The following PTPN21 variants were observed in gnomAD, a reference collection of about 807,000 sequenced individuals.
PTPN21 encodes the protein tyrosine-protein phosphatase non-receptor type 21.
In PTPN21, 77 loss-of-function variants were observed where a neutral mutation model predicts 131.8. The ratio of observed to expected loss-of-function variants is 0.58; its 90% CI spans 0.49 to 0.71. PTPN21 has a LOEUF of 0.71. PTPN21 is among the 30% of genes least tolerant of loss of function. The pLI is 0.00. For missense variants in PTPN21, 1,552 were observed against 1,527.1 expected (o/e 1.02, Z -0.27); for synonymous variants, 715 against 621.3 (o/e 1.15, Z -2.24).
chr14:88,472,191 G>A (rs2077481622), intron 15 of PTPN21, 53 bp downstream of exon 15: 2 of 986,832 alleles, frequency 2.0e-6, no homozygotes, highest in Middle Eastern at 2.1e-4. Context: ...TACCATTCTT[G>A]TAACTTAACT....
rs192613016 is a variant in PTPN21 at position 88,492,409 on chromosome 14, C to T, written c.932+4004G>A. On this transcript the variant is annotated intron_variant, in intron 10 of 18. Coordinates refer to ENST00000556564, the MANE Select transcript of PTPN21 (RefSeq NM_007039.4). ...GAACACTTTCATATGCAAATACACC[C>T]AGGCCCCTAGCAGAAACCGCTTCCC... is the stretch of plus-strand genomic sequence containing the variant. Among the ~76,000 whole-genome samples the T allele has an allele frequency of 8.9e-4, 135 of 152,304 alleles. 2 individuals are homozygous for T. The highest frequency in any genetic ancestry group is 3.1e-3 in the African/African-American group (130 of 41,570).
intron 2 of PTPN21, among the ~76,000 whole-genome samples, chr14:88,544,018 T>C (rs917301590): frequency 9.9e-5 from 15 of 152,154 alleles, no homozygotes; most frequent in Admixed American, 6.5e-4. Context: ...GAGACTTCCA[T>C]GGTTTCACAA....
rs561075961 is a variant in PTPN21, at chr14:88,549,040, G to A, written c.180+1198C>T. 3.3e-4 allele frequency among the ~76,000 whole-genome samples: 51 copies of A among 152,338 alleles called. No individual in the cohort carries two copies. The East Asian group carries it at 9.3e-3, about 28-fold the overall frequency. On this transcript the variant is annotated intron_variant, in intron 2 of 18. Transcript: ENST00000556564. ...TTGCCCAAGGTAACAGAAGCAGATGGTGAGGAAACTAGAACTCAAACTGAG... is the reference window on the plus strand; with the variant it reads ...TTGCCCAAGGTAACAGAAGCAGATGATGAGGAAACTAGAACTCAAACTGAG...
Position 88,474,906 on chromosome 14 carries a change from A to G in PTPN21, c.2512-1104T>C, listed in dbSNP as rs150016984. Among the ~76,000 whole-genome samples the G allele has an allele frequency of 2.3e-3, 352 of 152,258 alleles. 3 individuals carry two copies. The highest frequency in any genetic ancestry group is 7.6e-3 in the African/African-American group (314 of 41,542). On this transcript the variant is annotated intron_variant, in intron 13 of 18. Transcript: ENST00000556564. ...CAGGAGATTGAGACCATCCTGGCCA[A>G]TATGGTGAAACCCCGTCTCTACTAA...
At chr14:88,516,995 G>T in intron 3 of PTPN21, 97 bp downstream of exon 3, 2 of 1,392,594 alleles carry the variant, frequency 1.4e-6, no homozygotes, top group South Asian at 1.4e-5. Flanking sequence ...GGGCGAGAGG[G>T]CAAAGTTTCA....
chr14:88,524,351 G>A (rs767918495), intron 2 of PTPN21, among the ~76,000 whole-genome samples: 8 of 152,080 alleles, frequency 5.3e-5, no homozygotes, highest in Non-Finnish European at 1.2e-4. Flanking sequence ...AAATAAGGGT[G>A]CCAAGACCAG....
intron 3 of PTPN21, among the ~76,000 whole-genome samples, chr14:88,511,656 A>G (rs1245806588): frequency 2.0e-5 from 3 of 152,198 alleles, no homozygotes; most frequent in Non-Finnish European, 2.9e-5. Flanking sequence ...CAACCAAGCA[A>G]CAAGAAGAAT....
rs777169798 is a variant in PTPN21 at position 88,469,050 on chromosome 14, G to C, written c.3262C>G (p.Arg1088Gly). The change falls in exon 18 of 19, where the codon CGA becomes GGA. Residue 1088 changes from arginine to glycine, a missense_variant. By Grantham distance (125) the Arg-to-Gly change is moderately radical. Coordinates refer to ENST00000556564, the MANE Select transcript of PTPN21 (RefSeq NM_007039.4). This position sits in a 1 kb window ranked among gnomAD's most constrained non-coding sequence, Gnocchi z 4.3. ...TCACTTGTGCTATTTGTATGGCGTC[G>C]AACAGACTGGATCTCTTCAAGATAT... Reference protein sequence around the residue: ...LSYLEEIQSVRRHTNSTSDPQ... With the variant: ...LSYLEEIQSVGRHTNSTSDPQ... 3.7e-6 allele frequency: 6 copies of C among 1,613,870 alleles called. No individual in the cohort carries two copies. The highest frequency in any genetic ancestry group is 5.1e-6 in the Non-Finnish European group (6 of 1,179,852).
intron 14 of PTPN21, 44 bp downstream of exon 14, chr14:88,473,621 G>C (rs748531559): frequency 1.3e-6 from 2 of 1,578,334 alleles, no homozygotes; most frequent in Admixed American, 4.1e-5. Flanking sequence ...GTATTTACCG[G>C]TTGTTCCAGA....
At chr14:88,492,643 G>A (rs1476850433) in intron 10 of PTPN21, among the ~76,000 whole-genome samples, 1 of 152,186 alleles carries the variant, frequency 6.6e-6, no homozygotes, top group Non-Finnish European at 1.5e-5. Context: ...CCTGCCCAGA[G>A]TTTCTCTCAC....
At chr14:88,478,770 T>C (rs1403619876) in intron 13 of PTPN21, 150 bp downstream of exon 13, 3 of 452,104 alleles carry the variant, frequency 6.6e-6, no homozygotes, top group Non-Finnish European at 1.1e-5. Context: ...TTTAAATGTG[T>C]TCAGAATTAG....
At position 88,525,434 on chromosome 14, in the gene PTPN21, G is replaced by A. The variant is rs150981333; in HGVS notation, c.181-8173C>T. ...TTACACACTTTTTGAAAAAAGATAT[G>A]AATGGCTAACAAGCACATGAAAAGA... On this transcript the variant is annotated intron_variant, in intron 2 of 18. Coordinates refer to ENST00000556564, the MANE Select transcript of PTPN21 (RefSeq NM_007039.4). Among the ~76,000 whole-genome samples the A allele has an allele frequency of 9.2e-5, 14 of 152,274 alleles. No homozygotes were observed. The East Asian group carries it at 2.1e-3, about 23-fold the overall frequency.
At position 88,466,951 on chromosome 14, in the gene PTPN21, T is replaced by G. The variant is rs1319681743; in HGVS notation, c.*1186A>C. 6.6e-6 allele frequency: 1 copy of G among 152,174 alleles called. No homozygotes were observed. The highest frequency in any genetic ancestry group is 1.5e-5 in the Non-Finnish European group (1 of 68,030). 9.4% of individuals were successfully genotyped at this position (152,174 alleles called of 1,614,324 possible). A position where few individuals can be genotyped will look rare whatever the true frequency, so the allele number is the denominator to read the frequency against. ...ATGATACTATAATGCTGAATTTATT[T>G]ATGAAAAAGAAACAATACAGGTTGA... On this transcript the variant is annotated 3_prime_UTR_variant, in exon 19 of 19. Coordinates refer to ENST00000556564, the MANE Select transcript of PTPN21 (RefSeq NM_007039.4).
chr14:88,493,540 G>A (rs966676413), intron 10 of PTPN21, among the ~76,000 whole-genome samples: 9 of 152,218 alleles, frequency 5.9e-5, no homozygotes, highest in African/African-American at 2.2e-4. Context: ...ACCCAGGACG[G>A]GGCGGGTGAG....
chr14:88,539,715 C>G (rs1263410536), intron 2 of PTPN21, among the ~76,000 whole-genome samples: 1 of 151,966 alleles, frequency 6.6e-6, no homozygotes, highest in African/African-American at 2.4e-5. Flanking sequence ...CACCAACTAG[C>G]TGCCCTAGCC....
chr14:88,497,396 G>C, intron 8 of PTPN21, 106 bp from the exon 9 acceptor site: 1 of 884,956 alleles, frequency 1.1e-6, no homozygotes, highest in Non-Finnish European at 1.8e-6. Context: ...TTAGCATTTG[G>C]TAACATTTTT....
chr14:88,478,345 C>A (rs1476974751), intron 13 of PTPN21, among the ~76,000 whole-genome samples: 1 of 152,170 alleles, frequency 6.6e-6, no homozygotes, highest in Non-Finnish European at 1.5e-5. Context: ...ATTTAAGAAA[C>A]CTGGACGTCT....
intron 2 of PTPN21, among the ~76,000 whole-genome samples, chr14:88,526,212 A>G (rs2078472495): frequency 6.6e-6 from 1 of 152,150 alleles, no homozygotes; most frequent in Non-Finnish European, 1.5e-5. Flanking sequence ...AGAAATAGAC[A>G]GTATTGTAAT....
rs549246372 is a variant in PTPN21, at chr14:88,466,007, C to A, written c.*2130G>T. The A allele has an allele frequency of 1.8e-4, 27 of 151,274 alleles. No homozygotes were observed. The highest frequency in any genetic ancestry group is 4.0e-4 in the Non-Finnish European group (27 of 67,984). 9.4% of individuals were successfully genotyped at this position (151,274 alleles called of 1,614,324 possible). On this transcript the variant is annotated 3_prime_UTR_variant, in exon 19 of 19. Coordinates refer to ENST00000556564, the MANE Select transcript of PTPN21 (RefSeq NM_007039.4). ...TTGTTTTACAATATGTTCTTGTCAA[C>A]GAGCTATGTCAAACTGTTTGTTTAA...
Sources: gnomAD v4.1 joint callset for allele counts (sites outside exome capture counted in the v4.1 genomes callset) on GRCh38, gnomAD v4.1.1 for gene constraint, Gnocchi (gnomAD v3.1) non-coding constraint, MANE v1.5 for transcripts, NCBI Gene and HGNC (gene_info 2026-07-23, HGNC 2026-07-21) for gene names.